PDGFD: variants seen among roughly 807,000 people sequenced by gnomAD.
PDGFD encodes the protein platelet-derived growth factor D.
Under a neutral mutation model 44.7 loss-of-function variants are expected in PDGFD, and 30 were observed. The ratio of observed to expected loss-of-function variants is 0.67; its 90% CI spans 0.50 to 0.91. PDGFD has a LOEUF of 0.91. Ranked by LOEUF, PDGFD falls within the 40% of genes least tolerant of loss-of-function variation. The probability of loss-of-function intolerance (pLI) is 0.00; values close to 1 mark genes in which losing one functional copy is unlikely to be tolerated. For missense variants in PDGFD, 445 were observed against 457.8 expected (o/e 0.97, Z 0.25); for synonymous variants, 173 against 168.4 (o/e 1.03, Z -0.21).
chr11:103,979,484 G>T (rs1272617618), intron 3 of PDGFD, among the ~76,000 whole-genome samples: 1 of 152,078 alleles, frequency 6.6e-6, no homozygotes, highest in East Asian at 1.9e-4. Flanking sequence ...CAACTATCTG[G>T]CAGGGAGGTT....
chr11:103,949,491 A>C (rs921885488), intron 3 of PDGFD, among the ~76,000 whole-genome samples: 15 of 152,222 alleles, frequency 9.9e-5, no homozygotes, highest in Non-Finnish European at 2.1e-4. Context: ...CTAGGCAAGA[A>C]GCCAGAGAGC....
At chr11:104,098,818 T>C (rs1403881548) in intron 1 of PDGFD, among the ~76,000 whole-genome samples, 1 of 152,150 alleles carries the variant, frequency 6.6e-6, no homozygotes, top group Non-Finnish European at 1.5e-5. Flanking sequence ...TTTTTCTTAT[T>C]TGTATTCGCT....
chr11:104,119,222 TG>T lies in PDGFD; in HGVS notation c.124+44581del, dbSNP rs1159333693. 1.5e-3 allele frequency among the ~76,000 whole-genome samples: 14 copies of T among 9,636 alleles called. 5 individuals carry two copies. Among genetic ancestry groups the T allele is most frequent in the African/African-American group, 1.7e-3 (6 of 3,520 alleles). 6.3% of individuals were successfully genotyped at this position (9,636 alleles called of 152,430 possible). On this transcript the variant is annotated intron_variant, in intron 1 of 6. Coordinates refer to ENST00000393158, the MANE Select transcript of PDGFD (RefSeq NM_025208.5). ...TATATAATATATTAATATAATATAT[TG>T]ATATAATATATAATATATTAATATA... is the stretch of plus-strand genomic sequence containing the variant.
Position 104,163,908 on chromosome 11 carries a change from A to C in PDGFD, c.20T>G (p.Val7Gly). 6.4e-7 allele frequency: 1 copy of C among 1,554,444 alleles called. No homozygotes were observed. The highest frequency in any genetic ancestry group is 8.8e-7 in the Non-Finnish European group (1 of 1,137,394). MHRLIF[V>G]YTLICANFCS... is the part of the protein sequence containing the mutation. Reference sequence around the variant, plus strand: ...AAAGTTTGCGCAGATTAGAGTGTAGACAAAGATGAGCCGGTGCATTTGGGA... The same window carrying C: ...AAAGTTTGCGCAGATTAGAGTGTAGCCAAAGATGAGCCGGTGCATTTGGGA... Residue 7 changes from valine (V) to glycine (G), a missense_variant, in exon 1 of 7, where the codon GTC becomes GGC. Transcript: ENST00000393158.
At chr11:104,142,639 T>G (rs1263663209) in intron 1 of PDGFD, among the ~76,000 whole-genome samples, 1 of 152,210 alleles carries the variant, frequency 6.6e-6, no homozygotes, top group African/African-American at 2.4e-5. Context: ...TTGATTTGGC[T>G]AAATGAGAAT....
intron 1 of PDGFD, among the ~76,000 whole-genome samples, chr11:104,154,657 C>G (rs1425495333): frequency 6.6e-6 from 1 of 151,910 alleles, no homozygotes; most frequent in Non-Finnish European, 1.5e-5. Context: ...GGAATGGAGC[C>G]AACAAGAAGG....
At chr11:104,153,357 G>T (rs1160919929) in intron 1 of PDGFD, among the ~76,000 whole-genome samples, 1 of 152,160 alleles carries the variant, frequency 6.6e-6, no homozygotes, top group Non-Finnish European at 1.5e-5. Context: ...CAATGAAATG[G>T]ACAGTGAGGA....
At chr11:103,967,272 A>G (rs1427340968) in intron 3 of PDGFD, among the ~76,000 whole-genome samples, 1 of 152,126 alleles carries the variant, frequency 6.6e-6, no homozygotes, top group Non-Finnish European at 1.5e-5. Context: ...ACATTCACTA[A>G]GGACCATGTC....
intron 4 of PDGFD, among the ~76,000 whole-genome samples, chr11:103,945,169 G>A (rs1440096453): frequency 6.6e-6 from 1 of 152,108 alleles, no homozygotes; most frequent in African/African-American, 2.4e-5. Context: ...TTCAAGCCAT[G>A]TTAAAGATGT....
At chr11:104,109,358 T>A (rs1861517591) in intron 1 of PDGFD, among the ~76,000 whole-genome samples, 1 of 152,118 alleles carries the variant, frequency 6.6e-6, no homozygotes, top group African/African-American at 2.4e-5. Context: ...ATCCATAAGT[T>A]AGGCACAATA....
chr11:104,020,365 T>C (rs1383330295), intron 1 of PDGFD, among the ~76,000 whole-genome samples: 1 of 152,166 alleles, frequency 6.6e-6, no homozygotes, highest in Non-Finnish European at 1.5e-5. Flanking sequence ...TCTATCCATT[T>C]AATCTTTCCC....
intron 1 of PDGFD, among the ~76,000 whole-genome samples, chr11:104,106,437 G>C (rs1369732335): frequency 2.0e-5 from 3 of 152,118 alleles, no homozygotes; most frequent in Non-Finnish European, 4.4e-5. Flanking sequence ...AAAAACTTCT[G>C]TTTGTGTTTC....
chr11:104,158,433 T>C (rs1291966172), intron 1 of PDGFD, among the ~76,000 whole-genome samples: 1 of 152,220 alleles, frequency 6.6e-6, no homozygotes, highest in Non-Finnish European at 1.5e-5. Context: ...TATTGTCCAC[T>C]AGGCAATACA....
At chr11:104,101,699 A>C (rs1861384307) in intron 1 of PDGFD, among the ~76,000 whole-genome samples, 1 of 152,168 alleles carries the variant, frequency 6.6e-6, no homozygotes, top group Non-Finnish European at 1.5e-5. Flanking sequence ...ACAGTAACCA[A>C]AACAGCATGG....
chr11:103,966,960 G>A (rs899591241), intron 3 of PDGFD, among the ~76,000 whole-genome samples: 10 of 152,254 alleles, frequency 6.6e-5, no homozygotes, highest in East Asian at 1.9e-4. Context: ...CTGAAAACCC[G>A]GCTAGGCTGA....
chr11:104,109,949 T>C (rs1861528683), intron 1 of PDGFD, among the ~76,000 whole-genome samples: 3 of 152,242 alleles, frequency 2.0e-5, no homozygotes, highest in South Asian at 4.2e-4. Flanking sequence ...ACTTTCTCAT[T>C]GGTAAGAGTG....
At chr11:103,976,123 CA>C (rs1234700316) in intron 3 of PDGFD, among the ~76,000 whole-genome samples, 1 of 152,070 alleles carries the variant, frequency 6.6e-6, no homozygotes, top group African/African-American at 2.4e-5. Flanking sequence ...TCTTCCTATC[CA>C]TGAATATGGA....
chr11:104,130,243 T>A (rs1406071557), intron 1 of PDGFD, among the ~76,000 whole-genome samples: 1 of 152,064 alleles, frequency 6.6e-6, no homozygotes, highest in Non-Finnish European at 1.5e-5. Flanking sequence ...CCCCCCCTTT[T>A]CTCTACCAAA....
chr11:104,115,266 T>C (rs1005406169), intron 1 of PDGFD, among the ~76,000 whole-genome samples: 2 of 148,492 alleles, frequency 1.3e-5, no homozygotes, highest in Non-Finnish European at 3.0e-5. Flanking sequence ...ATCATATATA[T>C]ATATATGTAT....
Sources: allele counts gnomAD v4.1 joint callset (sites outside exome capture counted in the v4.1 genomes callset), GRCh38; gene constraint gnomAD v4.1.1; transcripts MANE v1.5; gene names NCBI Gene and HGNC (gene_info 2026-07-23, HGNC 2026-07-21).